SEMA3E: variants seen among roughly 807,000 people sequenced by gnomAD.
SEMA3E encodes semaphorin-3E.
Under a neutral mutation model 93.6 loss-of-function variants are expected in SEMA3E, and 49 were observed. The observed-to-expected ratio is 0.52, with a 90% CI of 0.42 to 0.66. The LOEUF (loss-of-function observed/expected upper bound fraction) is 0.66. Among genes scored for constraint, SEMA3E ranks in the 30% least tolerant of loss-of-function variants. SEMA3E has a pLI of 0.00. For synonymous variants in SEMA3E, 363 were observed against 330.7 expected (o/e 1.10, Z -1.06); for missense variants, 906 against 964.8 (o/e 0.94, Z 0.81).
At chr7:83,453,960 T>C (rs1235425160) in intron 4 of SEMA3E, among the ~76,000 whole-genome samples, 1 of 151,454 alleles carries the variant, frequency 6.6e-6, no homozygotes, top group Non-Finnish European at 1.5e-5. Context: ...TTTTACCTAC[T>C]ATTAAAGATA....
chr7:83,496,881 G>A (rs1584289261), intron 1 of SEMA3E, among the ~76,000 whole-genome samples: 1 of 152,014 alleles, frequency 6.6e-6, no homozygotes. Context: ...CTAATCTCAG[G>A]TAATCTCAAG....
intron 15 of SEMA3E, among the ~76,000 whole-genome samples, chr7:83,386,598 G>C (rs996979185): frequency 5.9e-5 from 9 of 152,074 alleles, no homozygotes; most frequent in African/African-American, 2.4e-5. Context: ...TGACTTGATA[G>C]AAGTAATACC....
chr7:83,498,669 G>A (rs1308485936), intron 1 of SEMA3E, among the ~76,000 whole-genome samples: 1 of 151,918 alleles, frequency 6.6e-6, no homozygotes, highest in African/African-American at 2.4e-5. Flanking sequence ...AGTAGAGACG[G>A]GGTCTCACCA....
chr7:83,433,078 T>C (rs1173154778), intron 4 of SEMA3E, among the ~76,000 whole-genome samples: 1 of 152,122 alleles, frequency 6.6e-6, no homozygotes, highest in Non-Finnish European at 1.5e-5. Context: ...TTTAAACAAA[T>C]AATTTTAACT....
rs536110995 is a variant in SEMA3E at position 83,489,106 on chromosome 7, G to C, written c.276+1008C>G. ...ACACTGGTATTTAACCAAAAGTTTT[G>C]GTATAATTATTTTGGGAAGATGGAG... is the stretch of plus-strand genomic sequence containing the variant. On this transcript the variant is annotated intron_variant, in intron 2 of 16. Coordinates refer to ENST00000643230, the MANE Select transcript of SEMA3E (RefSeq NM_012431.3). 4.6e-5 allele frequency among the ~76,000 whole-genome samples: 7 copies of C among 151,902 alleles called. No homozygotes were observed. In the South Asian group the frequency reaches 1.5e-3, roughly 31 times the overall value.
At chr7:83,424,689 C>A (rs540622156) in intron 4 of SEMA3E, among the ~76,000 whole-genome samples, 1 of 152,258 alleles carries the variant, frequency 6.6e-6, no homozygotes, top group African/African-American at 2.4e-5. Flanking sequence ...AGGGACTTTA[C>A]ACATGTGATC....
At chr7:83,504,416 T>A (rs2115615971) in intron 1 of SEMA3E, among the ~76,000 whole-genome samples, 1 of 152,306 alleles carries the variant, frequency 6.6e-6, no homozygotes, top group Non-Finnish European at 1.5e-5. Context: ...TTTGGAACTG[T>A]CAGACAATCA....
In SEMA3E at chr7:83,367,921, C is replaced by T; in HGVS notation, c.1993G>A (p.Val665Ile). 1 of 1,611,484 alleles carries T rather than the reference C, an allele frequency of 6.2e-7. No individual in the cohort carries two copies. Among genetic ancestry groups the T allele is most frequent in the Non-Finnish European group, 8.5e-7 (1 of 1,178,506 alleles). The change falls in exon 17 of 17, where the codon GTC becomes ATC. Residue 665 changes from valine to isoleucine, a missense_variant. Physicochemically the swap from Val to Ile is conservative, Grantham distance 29. Transcript: ENST00000643230. ...QTVEHSFVHT[V>I]RKITLEVVEE... is the part of the protein sequence containing the mutation. ...ACTACCTCCAAGGTGATTTTACGGA[C>T]CGTATGGACAAAGCTATGCTCTACT...
chr7:83,474,349 C>G (rs977349831), intron 2 of SEMA3E, among the ~76,000 whole-genome samples: 3 of 151,926 alleles, frequency 2.0e-5, no homozygotes, highest in African/African-American at 7.3e-5. Context: ...AACAAGCACT[C>G]TATGTTTTGA....
chr7:83,403,821 AC>A (rs533061043), intron 9 of SEMA3E, among the ~76,000 whole-genome samples: 131 of 152,012 alleles, frequency 8.6e-4, no homozygotes, highest in African/African-American at 3.1e-3. Flanking sequence ...TAGTCTCCTA[AC>A]TAAAGTGGTA....
In SEMA3E at chr7:83,365,490, G is replaced by A. The variant is rs1794653355; in HGVS notation, c.*2096C>T. ...TAAATTTTAGCATTTTATGTAAAAT[G>A]TTTCTTTTCTGGTTAATAGTCACTT... On this transcript the variant is annotated 3_prime_UTR_variant, in exon 17 of 17. Transcript: ENST00000643230. The A allele has an allele frequency of 6.6e-6, 1 of 151,960 alleles. No individual in the cohort carries two copies. Among genetic ancestry groups the A allele is most frequent in the African/African-American group, 2.4e-5 (1 of 41,368 alleles). The allele number at this position is 151,960 out of a possible 1,614,324, so 9.4% of individuals were successfully genotyped here. A position where few individuals can be genotyped will look rare whatever the true frequency, so the allele number is the denominator to read the frequency against.
intron 2 of SEMA3E, among the ~76,000 whole-genome samples, chr7:83,475,619 C>T (rs1364867635): frequency 2.0e-5 from 3 of 149,712 alleles, no homozygotes; most frequent in Non-Finnish European, 4.4e-5. Flanking sequence ...GGCAAGGACA[C>T]TGATGGAAAC....
intron 1 of SEMA3E, among the ~76,000 whole-genome samples, chr7:83,543,507 C>G (rs1791581480): frequency 6.6e-6 from 1 of 152,028 alleles, no homozygotes. Flanking sequence ...AAAGTTCCAT[C>G]TAATGTCATT....
chr7:83,555,479 G>T (rs1000834304), intron 1 of SEMA3E, among the ~76,000 whole-genome samples: 2 of 152,122 alleles, frequency 1.3e-5, no homozygotes, highest in Non-Finnish European at 2.9e-5. Flanking sequence ...AGATAAAATT[G>T]TCACATCCTG....
chr7:83,519,141 G>T (rs987880041), intron 1 of SEMA3E, among the ~76,000 whole-genome samples: 11 of 151,450 alleles, frequency 7.3e-5, no homozygotes, highest in Admixed American at 4.6e-4. Flanking sequence ...CCCACAACAG[G>T]CCCCAGAGTG....
chr7:83,556,650 T>G (rs1256706684), intron 1 of SEMA3E, among the ~76,000 whole-genome samples: 1 of 152,186 alleles, frequency 6.6e-6, no homozygotes, highest in South Asian at 2.1e-4. Context: ...GGATCTCAAG[T>G]AAATTATTAT....
At chr7:83,396,773 A>C (rs1788131492) in intron 11 of SEMA3E, 44 bp from the exon 12 acceptor site, 1 of 1,384,712 alleles carries the variant, frequency 7.2e-7, no homozygotes. Context: ...TCTATGTCAC[A>C]GTACGGTTTT....
chr7:83,490,158 C>T lies in SEMA3E; in HGVS notation c.232G>A (p.Val78Ile). 1 of 1,612,976 alleles carries T rather than the reference C, an allele frequency of 6.2e-7. No homozygotes were observed. The highest frequency in any genetic ancestry group is 8.5e-7 in the Non-Finnish European group (1 of 1,179,370). Residue 78 changes from valine to isoleucine, a missense_variant, in exon 2 of 17, where the codon GTA becomes ATA. Transcript: ENST00000643230. ...ATTCTCTCCAAGCTGAGGGAATATA[C>T]AAGGTCCCTGCCTCCCACGAAGAGC... ...ERLFVGGRDLVYSLSLERISD... is the reference protein window; with the variant it reads ...ERLFVGGRDLIYSLSLERISD...
At chr7:83,413,357 ATGT>A (rs1788481963) in intron 5 of SEMA3E, among the ~76,000 whole-genome samples, 1 of 152,208 alleles carries the variant, frequency 6.6e-6, no homozygotes, top group South Asian at 2.1e-4. Context: ...TTATAAATGT[ATGT>A]TATGCAAATC....
Sources: gnomAD v4.1 joint callset for allele counts (sites outside exome capture counted in the v4.1 genomes callset) on GRCh38, gnomAD v4.1.1 for gene constraint, MANE v1.5 for transcripts, NCBI Gene and HGNC (gene_info 2026-07-23, HGNC 2026-07-21) for gene names.